The following SLC22A16 variants were observed in gnomAD, a reference collection of about 807,000 sequenced individuals.
SLC22A16 encodes the protein solute carrier family 22 member 16, also known as WUGSC:RG331P03.1.
A neutral mutation model predicts 52.9 loss-of-function variants in SLC22A16; 53 were observed. The ratio of observed to expected loss-of-function variants is 1.00; its 90% CI spans 0.80 to 1.26. SLC22A16 has a LOEUF of 1.26. SLC22A16 is among the 50% of genes most tolerant of loss of function. The pLI is 0.00. For missense variants in SLC22A16, 726 were observed against 704.0 expected (o/e 1.03, Z -0.35); for synonymous variants, 291 against 268.8 (o/e 1.08, Z -0.81).
intron 5 of SLC22A16, among the ~76,000 whole-genome samples, chr6:110,438,317 T>A (rs1334544465): frequency 6.7e-6 from 1 of 150,340 alleles, no homozygotes; most frequent in African/African-American, 2.5e-5. Context: ...GATTATGAAC[T>A]TTTTATTTTT....
At chr6:110,476,270 G>A (rs1776472039) in intron 1 of SLC22A16, 1 of 1,205,784 alleles carries the variant, frequency 8.3e-7, no homozygotes, top group Non-Finnish European at 1.1e-6. Context: ...GGTCCCTCCT[G>A]CCCGGCAACA....
chr6:110,452,444 AC>A (rs1246780670), intron 2 of SLC22A16, among the ~76,000 whole-genome samples: 3 of 151,820 alleles, frequency 2.0e-5, no homozygotes, highest in Admixed American at 6.6e-5. Flanking sequence ...CTTTTTCCTT[AC>A]AGCACTGGCT....
intron 1 of SLC22A16, among the ~76,000 whole-genome samples, chr6:110,466,437 C>CAA (rs35355091): frequency 1.4e-4 from 21 of 149,540 alleles, no homozygotes; most frequent in Non-Finnish European, 2.2e-4. Context: ...CAAATTAATA[C>CAA]AAAAAAAAAC....
chr6:110,461,444 C>A (rs912743311), intron 1 of SLC22A16, among the ~76,000 whole-genome samples: 2 of 152,162 alleles, frequency 1.3e-5, no homozygotes, highest in African/African-American at 4.8e-5. Flanking sequence ...ACCTCAGAAC[C>A]CCCATCAAGG....
chr6:110,446,617 A>G (rs1475502147), intron 3 of SLC22A16, among the ~76,000 whole-genome samples: 1 of 152,164 alleles, frequency 6.6e-6, no homozygotes, highest in Non-Finnish European at 1.5e-5. Flanking sequence ...ATAATGCCTC[A>G]GTAATTGTGA....
intron 7 of SLC22A16, among the ~76,000 whole-genome samples, chr6:110,429,007 G>A (rs1442341628): frequency 6.6e-6 from 1 of 152,056 alleles, no homozygotes; most frequent in African/African-American, 2.4e-5. Context: ...CCTTAATTGA[G>A]CCTTACAGAA....
chr6:110,461,052 T>C (rs974281403), intron 1 of SLC22A16, among the ~76,000 whole-genome samples: 1 of 152,200 alleles, frequency 6.6e-6, no homozygotes, highest in Non-Finnish European at 1.5e-5. Flanking sequence ...ATTCGTGCAA[T>C]TGAAGAAAGG....
At chr6:110,437,931 T>C (rs931052891) in intron 5 of SLC22A16, among the ~76,000 whole-genome samples, 1 of 152,090 alleles carries the variant, frequency 6.6e-6, no homozygotes, top group Non-Finnish European at 1.5e-5. Flanking sequence ...AAACTACTAA[T>C]CTCCTGCAAT....
chr6:110,430,032 T>A (rs1412414542), intron 7 of SLC22A16, among the ~76,000 whole-genome samples: 1 of 151,816 alleles, frequency 6.6e-6, no homozygotes, highest in Non-Finnish European at 1.5e-5. Context: ...GCCCTGGATA[T>A]CAGCTGAGTT....
rs751853374 is a variant in SLC22A16 at position 110,424,823 on chromosome 6, G to A, written c.*50C>T. 8 of 1,592,712 alleles carry A rather than the reference G, an allele frequency of 5.0e-6. No individual in the cohort carries two copies. The African/African-American group carries it at 1.1e-4, about 21-fold the overall frequency. ...GAGAATAAGATTCCTCTAATACAAA[G>A]GCATTAGGGTAAATAATATTTCAGG... On this transcript the variant is annotated 3_prime_UTR_variant, in exon 8 of 8. Coordinates refer to ENST00000368919, the MANE Select transcript of SLC22A16 (RefSeq NM_033125.4).
At chr6:110,463,896 G>A (rs1468450056) in intron 1 of SLC22A16, among the ~76,000 whole-genome samples, 3 of 149,770 alleles carry the variant, frequency 2.0e-5, no homozygotes, top group African/African-American at 7.5e-5. Flanking sequence ...TGCCCATAAA[G>A]CAAGTCTCAA....
intron 1 of SLC22A16, among the ~76,000 whole-genome samples, chr6:110,471,909 C>T (rs1776273456): frequency 6.6e-6 from 1 of 152,234 alleles, no homozygotes; most frequent in African/African-American, 2.4e-5. Flanking sequence ...ACAGCTGGAA[C>T]AGGTGCCAGG....
At chr6:110,450,343 G>T (rs964965155) in intron 2 of SLC22A16, among the ~76,000 whole-genome samples, 1 of 152,104 alleles carries the variant, frequency 6.6e-6, no homozygotes, top group Non-Finnish European at 1.5e-5. Flanking sequence ...TGGGCATGGC[G>T]GCTCATGCCT....
At chr6:110,469,070 C>T (rs1192112993) in intron 1 of SLC22A16, among the ~76,000 whole-genome samples, 4 of 152,190 alleles carry the variant, frequency 2.6e-5, no homozygotes, top group Admixed American at 2.6e-4. Flanking sequence ...TAAGAGACTC[C>T]TTGACCCTAC....
At chr6:110,433,009 T>C (rs936802068) in intron 6 of SLC22A16, among the ~76,000 whole-genome samples, 1 of 152,218 alleles carries the variant, frequency 6.6e-6, no homozygotes, top group Non-Finnish European at 1.5e-5. Flanking sequence ...CAGATGCCTT[T>C]GGCCACGACC....
chr6:110,457,148 A>T, intron 1 of SLC22A16, 131 bp from the exon 2 acceptor site: 1 of 877,176 alleles, frequency 1.1e-6, no homozygotes, highest in Non-Finnish European at 1.7e-6. Context: ...ATAATTATAG[A>T]CATATTTATA....
rs760290362 is a variant in SLC22A16 at position 110,431,128 on chromosome 6, G to GC, written c.1521+42dup. 7.0e-5 allele frequency: 107 copies of GC among 1,523,548 alleles called. No individual in the cohort carries two copies. The East Asian group carries it at 2.4e-3, about 34-fold the overall frequency. The allele number at this position is 1,523,548 out of a possible 1,614,324, so 94.4% of individuals were successfully genotyped here. On this transcript the variant is annotated intron_variant, in intron 7 of 7. Coordinates refer to ENST00000368919, the MANE Select transcript of SLC22A16 (RefSeq NM_033125.4). ...AGTTGCTAATAGGCAATTAGAAACT[G>GC]CCTCCGTGCCCCCTTGGGGAGGGTC...
chr6:110,448,601 C>T (rs1775262669), intron 2 of SLC22A16, among the ~76,000 whole-genome samples: 3 of 152,130 alleles, frequency 2.0e-5, no homozygotes, highest in South Asian at 2.1e-4. Context: ...ATTGTTGGCC[C>T]TATATATGAA....
intron 1 of SLC22A16, among the ~76,000 whole-genome samples, chr6:110,470,338 A>T (rs957204132): frequency 6.6e-6 from 1 of 152,188 alleles, no homozygotes; most frequent in East Asian, 1.9e-4. Flanking sequence ...AAACGACAAC[A>T]CAGCCCCTGC....
Sources: allele counts gnomAD v4.1 joint callset (sites outside exome capture counted in the v4.1 genomes callset), GRCh38; gene constraint gnomAD v4.1.1; transcripts MANE v1.5; gene names NCBI Gene and HGNC (gene_info 2026-07-23, HGNC 2026-07-21).